The following KIAA1217 variants were observed in gnomAD, a reference collection of about 807,000 sequenced individuals.
KIAA1217 encodes the protein KIAA1217, also known as sickle tail protein homolog.
A neutral mutation model predicts 163.9 loss-of-function variants in KIAA1217; 88 were observed. That is an observed-to-expected ratio of 0.54 (90% CI 0.45 to 0.64). The LOEUF (loss-of-function observed/expected upper bound fraction) is 0.64. KIAA1217 is among the 30% of genes least tolerant of loss of function. KIAA1217 has a pLI of 0.00. For missense variants in KIAA1217, 2,372 were observed against 2,475.0 expected, an observed-to-expected ratio of 0.96 and a Z score of 0.88; for synonymous variants, 903 against 923.1, an observed-to-expected ratio of 0.98 and a Z score of 0.39.
chr10:24,269,491 T>G (rs1022143129), intron 2 of KIAA1217, among the ~76,000 whole-genome samples: 1 of 152,112 alleles, frequency 6.6e-6, no homozygotes, highest in Admixed American at 6.6e-5. Context: ...GCCACTGTAC[T>G]CCAGCTTGGG....
At chr10:24,501,291 A>T in intron 8 of KIAA1217, 88 bp from the exon 9 acceptor site, 1 of 1,245,692 alleles carries the variant, frequency 8.0e-7, no homozygotes, top group Non-Finnish European at 1.1e-6. Context: ...GCCTTTTTAG[A>T]ATTACCAGTC....
intron 2 of KIAA1217, among the ~76,000 whole-genome samples, chr10:24,348,882 C>T (rs1330896149): frequency 2.6e-5 from 4 of 152,124 alleles, no homozygotes; most frequent in African/African-American, 9.7e-5. Context: ...CACAGTGGCT[C>T]CTGACTATAA....
At chr10:24,171,080 A>C (rs542812150) in intron 2 of KIAA1217, among the ~76,000 whole-genome samples, 22 of 152,376 alleles carry the variant, frequency 1.4e-4, no homozygotes, top group African/African-American at 5.3e-4. Context: ...TGGTAGCATC[A>C]ATCTGCCAAG....
intron 6 of KIAA1217, among the ~76,000 whole-genome samples, chr10:24,485,122 G>T (rs541697582): frequency 1.5e-4 from 22 of 149,228 alleles, no homozygotes; most frequent in African/African-American, 5.2e-4. Flanking sequence ...CTTCATTCAA[G>T]ATCACAGACC....
intron 1 of KIAA1217, among the ~76,000 whole-genome samples, chr10:23,982,185 C>T (rs1845793133): frequency 6.6e-6 from 1 of 152,042 alleles, no homozygotes; most frequent in African/African-American, 2.4e-5. Context: ...TTATTTCATT[C>T]ATAATCCAAT....
chr10:24,049,797 AT>A (rs1299139070), intron 2 of KIAA1217, among the ~76,000 whole-genome samples: 1 of 152,184 alleles, frequency 6.6e-6, no homozygotes, highest in African/African-American at 2.4e-5. Context: ...TAGTAGAATG[AT>A]TTATAATCGT....
rs765647803 is a variant in KIAA1217, at chr10:23,967,737, T to A, written c.-320-39488T>A. 7.9e-5 allele frequency among the ~76,000 whole-genome samples: 12 copies of A among 152,150 alleles called. No homozygotes were observed. In the South Asian group the frequency reaches 1.2e-3, roughly 16 times the overall value. ...TTAATGTTTTTCATTAACAGAAAAATTCTGAATTACAAAAGACAAATTTAA... is the reference window on the plus strand; with the variant it reads ...TTAATGTTTTTCATTAACAGAAAAAATCTGAATTACAAAAGACAAATTTAA... On this transcript the variant is annotated intron_variant, in intron 1 of 18. Transcript: ENST00000376462.
chr10:24,252,223 C>T (rs964868231), intron 2 of KIAA1217, among the ~76,000 whole-genome samples: 1 of 152,076 alleles, frequency 6.6e-6, no homozygotes, highest in Non-Finnish European at 1.5e-5. Flanking sequence ...AAAAAGGCCT[C>T]AGATTATAAT....
chr10:24,297,843 A>G (rs563064852), intron 2 of KIAA1217, among the ~76,000 whole-genome samples: 1 of 152,196 alleles, frequency 6.6e-6, no homozygotes, highest in African/African-American at 2.4e-5. Flanking sequence ...TGAGTAGACA[A>G]TCACATCAAG....
chr10:24,393,361 A>T (rs2055242930), intron 3 of KIAA1217, among the ~76,000 whole-genome samples: 1 of 152,126 alleles, frequency 6.6e-6, no homozygotes, highest in South Asian at 2.1e-4. Context: ...TGTGGTATGG[A>T]TTTGAAACTA....
intron 1 of KIAA1217, among the ~76,000 whole-genome samples, chr10:23,974,359 G>A (rs541185826): frequency 2.0e-4 from 31 of 152,272 alleles, no homozygotes; most frequent in Admixed American, 2.0e-3. Flanking sequence ...TTATTTCCAG[G>A]TTTAATCCTG....
intron 2 of KIAA1217, among the ~76,000 whole-genome samples, chr10:24,330,941 AT>A (rs1476376565): frequency 2.6e-5 from 4 of 151,648 alleles, no homozygotes; most frequent in Non-Finnish European, 1.5e-5. Context: ...TCTTATATAT[AT>A]TTTTTTATTT....
intron 1 of KIAA1217, among the ~76,000 whole-genome samples, chr10:24,212,354 T>C (rs987313800): frequency 3.9e-5 from 6 of 152,074 alleles, no homozygotes; most frequent in Non-Finnish European, 8.8e-5. Flanking sequence ...TAGATTAGGA[T>C]TGAGAAGTTT....
At chr10:23,786,679 G>T (rs1416986946) in intron 1 of KIAA1217, among the ~76,000 whole-genome samples, 2 of 152,126 alleles carry the variant, frequency 1.3e-5, no homozygotes, top group Non-Finnish European at 2.9e-5. Flanking sequence ...TCATAGCCTT[G>T]CTTCCTAATG....
At chr10:24,533,463 C>T (rs963500410) in intron 16 of KIAA1217, among the ~76,000 whole-genome samples, 10 of 152,266 alleles carry the variant, frequency 6.6e-5, no homozygotes, top group East Asian at 1.9e-4. Context: ...AAACAACTCA[C>T]GCTTTCCTAC....
At chr10:24,420,519 A>G (rs911518924) in intron 3 of KIAA1217, among the ~76,000 whole-genome samples, 1 of 152,104 alleles carries the variant, frequency 6.6e-6, no homozygotes, top group Non-Finnish European at 1.5e-5. Flanking sequence ...ATTTCAATGC[A>G]GTTTAATTAG....
At chr10:24,545,647 T>G in intron 20 of KIAA1217, 180 bp from the exon 21 acceptor site, 3 of 1,421,670 alleles carry the variant, frequency 2.1e-6, no homozygotes, top group Non-Finnish European at 1.8e-6. Flanking sequence ...CTTTGCTATG[T>G]ACATGGGGGG....
chr10:23,738,022 C>T (rs985727265), intron 1 of KIAA1217, among the ~76,000 whole-genome samples: 8 of 151,134 alleles, frequency 5.3e-5, no homozygotes, highest in African/African-American at 1.7e-4. Flanking sequence ...ATAAATAGCA[C>T]GTAGATATAT....
intron 2 of KIAA1217, among the ~76,000 whole-genome samples, chr10:24,260,431 A>G (rs1480108028): frequency 1.3e-5 from 2 of 152,096 alleles, no homozygotes; most frequent in African/African-American, 4.8e-5. Context: ...TAGTTACACT[A>G]TGAAAAGCAC....
Sources: allele counts gnomAD v4.1 joint callset (sites outside exome capture counted in the v4.1 genomes callset), GRCh38; gene constraint gnomAD v4.1.1; transcripts MANE v1.5; gene names NCBI Gene and HGNC (gene_info 2026-07-23, HGNC 2026-07-21).